GAB1: variants seen among roughly 807,000 people sequenced by gnomAD.
The protein encoded by GAB1 is GRB2 associated binding protein 1, also known as GRB2-associated-binding protein 1.
In GAB1, 19 loss-of-function variants were observed where a neutral mutation model predicts 66.5. The observed-to-expected ratio is 0.29, with a 90% CI of 0.20 to 0.42. The LOEUF (loss-of-function observed/expected upper bound fraction) is 0.42, where lower values mean the gene tolerates loss of function less well. Among genes scored for constraint, GAB1 ranks in the 10% least tolerant of loss-of-function variants. The pLI is 1.00. For synonymous variants in GAB1, 294 were observed against 301.4 expected (o/e 0.98, Z 0.25); for missense variants, 732 against 858.5 (o/e 0.85, Z 1.84).
intron 1 of GAB1, among the ~76,000 whole-genome samples, chr4:143,372,903 T>C (rs560075595): frequency 1.2e-4 from 19 of 152,348 alleles, no homozygotes; most frequent in African/African-American, 4.6e-4. Context: ...ATAATTAATT[T>C]CCTCTTAAAA....
At chr4:143,343,937 T>TA (rs1728907358) in intron 1 of GAB1, among the ~76,000 whole-genome samples, 1 of 152,230 alleles carries the variant, frequency 6.6e-6, no homozygotes, top group Non-Finnish European at 1.5e-5. Flanking sequence ...AGATCTAATG[T>TA]TCCTCATGGG....
intron 6 of GAB1, among the ~76,000 whole-genome samples, chr4:143,441,086 CA>C (rs1340839096): frequency 6.6e-6 from 1 of 152,058 alleles, no homozygotes; most frequent in Non-Finnish European, 1.5e-5. Flanking sequence ...TCTAGTCTGT[CA>C]TTTTTTTTTC....
intron 1 of GAB1, among the ~76,000 whole-genome samples, chr4:143,340,079 C>T (rs541887167): frequency 6.6e-6 from 1 of 152,224 alleles, no homozygotes; most frequent in East Asian, 1.9e-4. Flanking sequence ...GTTGGTGGCC[C>T]AGAAGATTTT....
At chr4:143,381,494 A>G (rs770153706) in intron 1 of GAB1, among the ~76,000 whole-genome samples, 1 of 152,120 alleles carries the variant, frequency 6.6e-6, no homozygotes, top group African/African-American at 2.4e-5. Flanking sequence ...GTTCGGGTCT[A>G]CTAACTCTGT....
chr4:143,395,893 C>T (rs1427376230), intron 1 of GAB1: 13 of 454,974 alleles, frequency 2.9e-5, no homozygotes, highest in Admixed American at 2.1e-4. Flanking sequence ...GACCGCCCCC[C>T]GCCCCCGGGA....
At chr4:143,375,700 T>A (rs1212046347) in intron 1 of GAB1, among the ~76,000 whole-genome samples, 1 of 152,162 alleles carries the variant, frequency 6.6e-6, no homozygotes, top group East Asian at 1.9e-4. Context: ...ATATGACAAA[T>A]CATTTAGTTT....
intron 2 of GAB1, among the ~76,000 whole-genome samples, chr4:143,416,845 T>C (rs138091602): frequency 0.014 from 2,111 of 152,292 alleles, 38 homozygotes; most frequent in Non-Finnish European, 0.017. Context: ...GTGGGAGTTA[T>C]TTATATCCCA....
In GAB1 at chr4:143,354,269, C is replaced by A. The variant is rs141591145; in HGVS notation, c.72+17009C>A. Among the ~76,000 whole-genome samples, 5 of 152,070 alleles carry A rather than the reference C, an allele frequency of 3.3e-5. No homozygotes were observed. The East Asian group carries it at 9.7e-4, about 29-fold the overall frequency. On this transcript the variant is annotated intron_variant, in intron 1 of 9. Coordinates refer to ENST00000262994, the MANE Select transcript of GAB1 (RefSeq NM_002039.4). ...CTTGGTGTATCTCCTTTTTATGAGC[C>A]TCTGAGTATTCCTAACTTTTTTTCA...
chr4:143,415,961 G>A (rs1011444868), intron 2 of GAB1, among the ~76,000 whole-genome samples, 190 bp downstream of exon 2: 5 of 152,138 alleles, frequency 3.3e-5, no homozygotes, highest in Non-Finnish European at 5.9e-5. Flanking sequence ...GTTTTAGAGC[G>A]ACAGACTTAG....
At chr4:143,362,760 T>C (rs1358097737) in intron 1 of GAB1, among the ~76,000 whole-genome samples, 1 of 152,204 alleles carries the variant, frequency 6.6e-6, no homozygotes, top group Non-Finnish European at 1.5e-5. Flanking sequence ...CATCCTGTTT[T>C]GTCAACAAGG....
chr4:143,359,899 C>T (rs1729597656), intron 1 of GAB1, among the ~76,000 whole-genome samples: 1 of 152,154 alleles, frequency 6.6e-6, no homozygotes, highest in South Asian at 2.1e-4. Context: ...CGCTGGGGAA[C>T]CCTAACTTTG....
At chr4:143,429,702 TA>T (rs1187859886) in intron 2 of GAB1, among the ~76,000 whole-genome samples, 1 of 152,198 alleles carries the variant, frequency 6.6e-6, no homozygotes, top group African/African-American at 2.4e-5. Flanking sequence ...CTTGACTCCT[TA>T]AAGGGAAGCA....
intron 1 of GAB1, among the ~76,000 whole-genome samples, chr4:143,345,302 G>A (rs1249658495): frequency 6.6e-6 from 1 of 151,960 alleles, no homozygotes; most frequent in Non-Finnish European, 1.5e-5. Context: ...TTTTCTCCCA[G>A]CTTTTTACTT....
chr4:143,469,106 T>C lies in GAB1; in HGVS notation c.2002T>C (p.Leu668=). ...DYVVVDQQKT[L]ALKSTREAWT... ...TGTTGTTGTTGACCAACAGAAGACC[T>C]TGGCTCTAAAGAGTACCCGGGAAGC... The change falls in exon 10 of 10, where the codon TTG becomes CTG. Residue 668 remains leucine, a synonymous_variant. Coordinates refer to ENST00000262994, the MANE Select transcript of GAB1 (RefSeq NM_002039.4). 1 of 1,614,172 alleles carries C rather than the reference T, an allele frequency of 6.2e-7. No individual in the cohort carries two copies. Among genetic ancestry groups the C allele is most frequent in the Non-Finnish European group, 8.5e-7 (1 of 1,180,004 alleles).
intron 1 of GAB1, among the ~76,000 whole-genome samples, chr4:143,399,028 C>T (rs1731608775): frequency 6.6e-6 from 1 of 152,184 alleles, no homozygotes; most frequent in South Asian, 2.1e-4. Context: ...CACAGCCATA[C>T]CTGCCATCAC....
At chr4:143,415,894 T>G (rs1009528807) in intron 2 of GAB1, 123 bp downstream of exon 2, 1 of 793,228 alleles carries the variant, frequency 1.3e-6, no homozygotes, top group Non-Finnish European at 1.9e-6. Flanking sequence ...AATAGGAACT[T>G]GACATTTGGA....
At chr4:143,351,916 A>T (rs1291978262) in intron 1 of GAB1, among the ~76,000 whole-genome samples, 1 of 152,184 alleles carries the variant, frequency 6.6e-6, no homozygotes, top group Non-Finnish European at 1.5e-5. Context: ...TTATTCATTT[A>T]GTATATTTCC....
chr4:143,389,598 G>A (rs1389385185), intron 1 of GAB1, among the ~76,000 whole-genome samples: 1 of 152,160 alleles, frequency 6.6e-6, no homozygotes, highest in Non-Finnish European at 1.5e-5. Context: ...TAAAGCATAA[G>A]ACAATTTGTT....
chr4:143,462,890 G>A (rs948786246), intron 8 of GAB1, among the ~76,000 whole-genome samples: 3 of 152,102 alleles, frequency 2.0e-5, no homozygotes, highest in Admixed American at 6.5e-5. Context: ...TCAAACTCCC[G>A]ACCTCAAATG....
Sources: allele counts gnomAD v4.1 joint callset (sites outside exome capture counted in the v4.1 genomes callset), GRCh38; gene constraint gnomAD v4.1.1; transcripts MANE v1.5; gene names NCBI Gene and HGNC (gene_info 2026-07-23, HGNC 2026-07-21).